Variants in FSTL5 observed in about 807,000 individuals in gnomAD.
The protein encoded by FSTL5 is follistatin like 5, also known as follistatin-related protein 5.
A neutral mutation model predicts 89.1 loss-of-function variants in FSTL5; 62 were observed. That is an observed-to-expected ratio of 0.70 (90% CI 0.57 to 0.86). FSTL5 has a LOEUF of 0.86. Ranked by LOEUF, FSTL5 falls within the 40% of genes least tolerant of loss-of-function variation. FSTL5 has a pLI of 0.00. For synonymous variants in FSTL5, 383 were observed against 346.2 expected (o/e 1.11, Z -1.18); for missense variants, 1,057 against 1,001.6 (o/e 1.06, Z -0.75).
chr4:161,798,646 T>C (rs1016643407), intron 4 of FSTL5, among the ~76,000 whole-genome samples: 4 of 151,552 alleles, frequency 2.6e-5, no homozygotes, highest in Non-Finnish European at 5.9e-5. Flanking sequence ...TCCAACAAAC[T>C]GATTTAACAA....
At chr4:161,968,934 T>TATAC (rs374592109) in intron 3 of FSTL5, among the ~76,000 whole-genome samples, 1 of 140,136 alleles carries the variant, frequency 7.1e-6, no homozygotes, top group Non-Finnish European at 1.6e-5. Flanking sequence ...GACACAGACA[T>TATAC]ACACACACAC....
In FSTL5 at chr4:161,906,731, T is replaced by G. The variant is rs148650147; in HGVS notation, c.409+13673A>C. ...GCAGTCAAATACAGCAAATATTGCTTATACGATAATGTCCAGATGTCTAGA... is the reference window on the plus strand; with the variant it reads ...GCAGTCAAATACAGCAAATATTGCTGATACGATAATGTCCAGATGTCTAGA... On this transcript the variant is annotated intron_variant, in intron 4 of 15. Transcript: ENST00000306100. Among the ~76,000 whole-genome samples, 323 of 152,290 alleles carry G rather than the reference T, an allele frequency of 2.1e-3. 1 individual carries two copies. Among genetic ancestry groups the G allele is most frequent in the African/African-American group, 7.4e-3 (306 of 41,580 alleles).
At chr4:161,741,807 C>T (rs1321797307) in intron 6 of FSTL5, among the ~76,000 whole-genome samples, 1 of 151,654 alleles carries the variant, frequency 6.6e-6, no homozygotes, top group Non-Finnish European at 1.5e-5. Flanking sequence ...CCTGCCTCAG[C>T]CCCCTGAGTA....
intron 8 of FSTL5, among the ~76,000 whole-genome samples, chr4:161,575,297 C>A (rs934595727): frequency 6.6e-6 from 1 of 152,018 alleles, no homozygotes; most frequent in Non-Finnish European, 1.5e-5. Flanking sequence ...CTGTAGGTTG[C>A]CTGTTCACTT....
chr4:161,385,712 A>G lies in FSTL5; in HGVS notation c.*35T>C, dbSNP rs748706336. On this transcript the variant is annotated 3_prime_UTR_variant, in exon 16 of 16. Coordinates refer to ENST00000306100, the MANE Select transcript of FSTL5 (RefSeq NM_020116.5). The stretch of plus-strand genomic sequence containing the variant: ...CAATGGATTAAGTGCAATGTATTGT[A>G]AAACGCTTCATTCAATAATTGTATC... 5.7e-6 allele frequency: 8 copies of G among 1,395,460 alleles called. No individual in the cohort carries two copies. In the African/African-American group the frequency reaches 7.2e-5, roughly 13 times the overall value. The allele number at this position is 1,395,460 out of a possible 1,614,324, so 86.4% of individuals were successfully genotyped here.
chr4:161,398,676 T>A (rs1401939492), intron 15 of FSTL5, among the ~76,000 whole-genome samples: 2 of 152,152 alleles, frequency 1.3e-5, no homozygotes, highest in Non-Finnish European at 2.9e-5. Flanking sequence ...AAATTAGAAG[T>A]ACATAATTTT....
intron 1 of FSTL5, among the ~76,000 whole-genome samples, chr4:162,126,066 AAATT>A (rs150667928): frequency 0.1 from 15,719 of 152,032 alleles, 1,056 homozygotes; most frequent in Non-Finnish European, 0.14. Flanking sequence ...CAAACATATG[AAATT>A]AATAAGAATA....
intron 4 of FSTL5, among the ~76,000 whole-genome samples, chr4:161,863,125 G>A (rs1242200839): frequency 1.3e-5 from 2 of 152,090 alleles, no homozygotes; most frequent in East Asian, 1.9e-4. Flanking sequence ...ATGAACAAAT[G>A]CATTCTAATT....
At chr4:161,701,354 A>C (rs1738383300) in intron 6 of FSTL5, among the ~76,000 whole-genome samples, 2 of 152,168 alleles carry the variant, frequency 1.3e-5, no homozygotes, top group Admixed American at 1.3e-4. Flanking sequence ...GATACTTGAT[A>C]CTCACTGAAA....
intron 4 of FSTL5, among the ~76,000 whole-genome samples, chr4:161,856,142 G>A (rs1368785103): frequency 6.6e-6 from 1 of 151,986 alleles, no homozygotes; most frequent in African/African-American, 2.4e-5. Context: ...TTGAGGTTGA[G>A]GAAACAGTGA....
At chr4:162,080,081 C>CTGAA (rs756333774) in intron 2 of FSTL5, among the ~76,000 whole-genome samples, 25 of 151,468 alleles carry the variant, frequency 1.7e-4, no homozygotes, top group Non-Finnish European at 3.1e-4. Flanking sequence ...ATTTTTTGTG[C>CTGAA]TACTTCACAT....
intron 7 of FSTL5, among the ~76,000 whole-genome samples, chr4:161,603,339 G>T (rs80026919): frequency 0.018 from 2,695 of 152,240 alleles, 42 homozygotes; most frequent in South Asian, 0.047. Flanking sequence ...ATAGCATTAC[G>T]TTTAAAAATA....
Position 161,663,885 on chromosome 4 carries a change from C to T in FSTL5, c.728-7391G>A, listed in dbSNP as rs148708378. Among the ~76,000 whole-genome samples, 918 of 152,326 alleles carry T rather than the reference C, an allele frequency of 6.0e-3. 9 individuals are homozygous for T. Among genetic ancestry groups the T allele is most frequent in the South Asian group, 0.045 (219 of 4,824 alleles). On this transcript the variant is annotated intron_variant, in intron 6 of 15. Coordinates refer to ENST00000306100, the MANE Select transcript of FSTL5 (RefSeq NM_020116.5). ...CTTTAAAATCTAGGCAGAGGTTCCC[C>T]AATCCCAATTCCTGACTTCTGTGCA...
chr4:161,457,231 A>T (rs897898758), intron 14 of FSTL5, among the ~76,000 whole-genome samples: 2 of 152,220 alleles, frequency 1.3e-5, no homozygotes, highest in African/African-American at 4.8e-5. Context: ...CATATAACAT[A>T]CACACATATA....
rs141008857 is a variant in FSTL5, at chr4:161,864,595, G to C, written c.409+55809C>G. Among the ~76,000 whole-genome samples, 1,167 of 152,248 alleles carry C rather than the reference G, an allele frequency of 7.7e-3. 17 individuals are homozygous for C. Among genetic ancestry groups the C allele is most frequent in the African/African-American group, 0.025 (1,052 of 41,530 alleles). On this transcript the variant is annotated intron_variant, in intron 4 of 15. Transcript: ENST00000306100. ...TATTTTAAAAGCATTAATGAGGGCAGGTGTGGTGGCTCATGCCTATAATCC... is the reference window on the plus strand; with the variant it reads ...TATTTTAAAAGCATTAATGAGGGCACGTGTGGTGGCTCATGCCTATAATCC...
intron 15 of FSTL5, among the ~76,000 whole-genome samples, chr4:161,397,349 G>T (rs1444023448): frequency 6.6e-6 from 1 of 151,746 alleles, no homozygotes; most frequent in Non-Finnish European, 1.5e-5. Context: ...GAAAATATTG[G>T]TGGAATAGAA....
At chr4:161,717,079 T>G (rs1321582643) in intron 6 of FSTL5, among the ~76,000 whole-genome samples, 2 of 152,232 alleles carry the variant, frequency 1.3e-5, no homozygotes, top group East Asian at 3.8e-4. Context: ...ACTTTCCCTT[T>G]GTTTTAGATA....
chr4:161,951,275 T>C (rs1734886907), intron 3 of FSTL5, among the ~76,000 whole-genome samples: 1 of 152,084 alleles, frequency 6.6e-6, no homozygotes, highest in African/African-American at 2.4e-5. Flanking sequence ...TTTATTAGCG[T>C]GTAAGAACAG....
At chr4:161,821,130 TTAG>T (rs1730480857) in intron 4 of FSTL5, among the ~76,000 whole-genome samples, 1 of 152,106 alleles carries the variant, frequency 6.6e-6, no homozygotes, top group Non-Finnish European at 1.5e-5. Flanking sequence ...CTTGAACTCC[TTAG>T]CTCAGGTGAT....
Sources: allele counts gnomAD v4.1 joint callset (sites outside exome capture counted in the v4.1 genomes callset), GRCh38; gene constraint gnomAD v4.1.1; transcripts MANE v1.5; gene names NCBI Gene and HGNC (gene_info 2026-07-23, HGNC 2026-07-21).